Variants in CCDC57 observed in about 807,000 individuals in gnomAD.
The protein encoded by CCDC57 is coiled-coil domain-containing protein 57.
A neutral mutation model predicts 118.9 loss-of-function variants in CCDC57; 118 were observed. The ratio of observed to expected loss-of-function variants is 0.99; its 90% CI spans 0.86 to 1.16. The LOEUF (loss-of-function observed/expected upper bound fraction) is 1.16, where lower values mean the gene tolerates loss of function less well. Among genes scored for constraint, CCDC57 ranks in the 50% most tolerant of loss-of-function variants. CCDC57 has a pLI of 0.00. For missense variants in CCDC57, 1,300 were observed against 1,320.7 expected (o/e 0.98, Z 0.24); for synonymous variants, 527 against 532.9 (o/e 0.99, Z 0.15).
intron 7 of CCDC57, among the ~76,000 whole-genome samples, chr17:82,188,928 A>C (rs2047314773): frequency 6.6e-6 from 1 of 152,206 alleles, no homozygotes; most frequent in South Asian, 2.1e-4. Context: ...AATTGGGCTT[A>C]TAGGCCACAC....
intron 2 of CCDC57, among the ~76,000 whole-genome samples, chr17:82,203,966 G>T (rs1194741215): frequency 2.0e-5 from 3 of 152,190 alleles, no homozygotes; most frequent in Admixed American, 6.5e-5. Context: ...GGCACAGCCA[G>T]GCTGAGCACC....
intron 16 of CCDC57, among the ~76,000 whole-genome samples, chr17:82,149,114 G>A (rs960777685): frequency 2.3e-5 from 2 of 85,466 alleles, no homozygotes; most frequent in Non-Finnish European, 4.6e-5. Flanking sequence ...GATGGGATAA[G>A]TGGTTGCATG....
chr17:82,166,346 C>CA (rs11077980), intron 13 of CCDC57, among the ~76,000 whole-genome samples: 1,618 of 126,362 alleles, frequency 0.013, 20 homozygotes, highest in African/African-American at 0.041. Context: ...CCCATCTCTA[C>CA]AAAAAAAAAA....
intron 13 of CCDC57, 150 bp from the exon 13 acceptor site, chr17:82,163,507 A>C: frequency 1.3e-6 from 1 of 794,304 alleles, no homozygotes; most frequent in Non-Finnish European, 2.0e-6. Flanking sequence ...CATTGGAGTC[A>C]GCAGATCTGG....
chr17:82,151,824 G>T, intron 15 of CCDC57, 51 bp from the exon 15 acceptor site: 5 of 1,487,616 alleles, frequency 3.4e-6, no homozygotes, highest in Non-Finnish European at 2.7e-6. Flanking sequence ...CCTCATGGGA[G>T]GACGCCAGGG....
At chr17:82,117,448 C>A (rs1465947244) in intron 19 of CCDC57, among the ~76,000 whole-genome samples, 1 of 152,188 alleles carries the variant, frequency 6.6e-6, no homozygotes, top group African/African-American at 2.4e-5. Flanking sequence ...CGAGACCAGC[C>A]TGGGCAACAT....
chr17:82,130,751 C>T (rs552207210), intron 17 of CCDC57, among the ~76,000 whole-genome samples: 16 of 150,970 alleles, frequency 1.1e-4, no homozygotes, highest in Admixed American at 7.2e-4. Context: ...GATCTGCCCG[C>T]CTCAGCCTCC....
At chr17:82,199,704 C>T (rs931363446) in intron 3 of CCDC57, among the ~76,000 whole-genome samples, 5 of 152,170 alleles carry the variant, frequency 3.3e-5, no homozygotes, top group South Asian at 4.1e-4. Flanking sequence ...CGCACCTGCA[C>T]GGACTCGGCG....
At chr17:82,173,076 G>C (rs778278175) in intron 11 of CCDC57, among the ~76,000 whole-genome samples, 1 of 151,776 alleles carries the variant, frequency 6.6e-6, no homozygotes, top group African/African-American at 2.4e-5. Context: ...ATACTTTTGA[G>C]ATCCCTAGAG....
chr17:82,151,819 T>C, intron 15 of CCDC57, 46 bp from the exon 15 acceptor site: 3 of 1,513,970 alleles, frequency 2.0e-6, no homozygotes, highest in Non-Finnish European at 2.7e-6. Context: ...GCTGCCCTCA[T>C]GGGAGGACGC....
At chr17:82,102,432 T>TGCCAGATAGCCCTTCCTAAAC (rs1354392487) in intron 19 of CCDC57, among the ~76,000 whole-genome samples, 1 of 152,252 alleles carries the variant, frequency 6.6e-6, no homozygotes, top group African/African-American at 2.4e-5. Flanking sequence ...GGGGCCTAAA[T>TGCCAGATAGCCCTTCCTAAAC]GCCAGATAGC....
At chr17:82,199,029 A>T (rs1159062720) in intron 3 of CCDC57, among the ~76,000 whole-genome samples, 1 of 151,816 alleles carries the variant, frequency 6.6e-6, no homozygotes, top group Admixed American at 6.6e-5. Flanking sequence ...AAAAAAAGAA[A>T]GATCTGAGCT....
At chr17:82,134,119 T>C in exon 17 of CCDC57, 1 of 1,416,030 alleles carries the variant, frequency 7.1e-7, no homozygotes. Flanking sequence ...TGGGCTGCGA[T>C]CCAAAGGCCT....
intron 16 of CCDC57, among the ~76,000 whole-genome samples, chr17:82,137,030 T>G (rs78707872): frequency 7.6e-6 from 1 of 130,960 alleles, no homozygotes; most frequent in Non-Finnish European, 1.6e-5. Flanking sequence ...TTTTTTTTTT[T>G]TGAGACAGAG....
chr17:82,150,729 G>A (rs2041848280), intron 16 of CCDC57, among the ~76,000 whole-genome samples: 1 of 74,484 alleles, frequency 1.3e-5, no homozygotes, highest in African/African-American at 5.4e-5. Context: ...CTAGAACCTG[G>A]CACACACCCA....
chr17:82,164,123 C>T (rs1324425869), intron 13 of CCDC57, among the ~76,000 whole-genome samples: 1 of 152,158 alleles, frequency 6.6e-6, no homozygotes, highest in Admixed American at 6.5e-5. Flanking sequence ...CGCCTGTAAT[C>T]TCAGCACTTT....
intron 19 of CCDC57, chr17:82,113,285 C>G: frequency 1.5e-6 from 1 of 657,312 alleles, no homozygotes; most frequent in Non-Finnish European, 2.8e-6. Flanking sequence ...GGCCAGAGCA[C>G]TGGTTCTTGG....
chr17:82,179,614 A>G (rs577991181), intron 9 of CCDC57, among the ~76,000 whole-genome samples: 1 of 151,770 alleles, frequency 6.6e-6, no homozygotes, highest in African/African-American at 2.4e-5. Context: ...AGCAGGGTGG[A>G]CCCAGCCACG....
intron 19 of CCDC57, among the ~76,000 whole-genome samples, chr17:82,117,350 A>C (rs926209155): frequency 6.6e-6 from 1 of 151,940 alleles, no homozygotes; most frequent in African/African-American, 2.4e-5. Flanking sequence ...GACTCAAACA[A>C]CAACCAGGCA....
Sources: allele counts gnomAD v4.1 joint callset (sites outside exome capture counted in the v4.1 genomes callset), GRCh38; gene constraint gnomAD v4.1.1; transcripts MANE v1.5; gene names NCBI Gene and HGNC (gene_info 2026-07-23, HGNC 2026-07-21).